TGFB1I1: variants seen among roughly 807,000 people sequenced by gnomAD.
TGFB1I1 encodes transforming growth factor beta 1 induced transcript 1.
TGFB1I1 carries 33 observed loss-of-function variants against 52.0 expected under a neutral mutation model. That is an observed-to-expected ratio of 0.63 (90% CI 0.48 to 0.85). The LOEUF is 0.85. Ranked by LOEUF, TGFB1I1 falls within the 40% of genes least tolerant of loss-of-function variation. The pLI is 0.00. For missense variants in TGFB1I1, 577 were observed against 614.9 expected (o/e 0.94, Z 0.65); for synonymous variants, 236 against 253.3 (o/e 0.93, Z 0.65).
chr16:31,474,215 C>A lies in TGFB1I1; in HGVS notation c.389C>A (p.Ser130Tyr). The A allele has an allele frequency of 6.2e-7, 1 of 1,614,124 alleles. No homozygotes were observed. Among genetic ancestry groups the A allele is most frequent in the Non-Finnish European group, 8.5e-7 (1 of 1,180,028 alleles). The change falls in exon 5 of 11, where the codon TCT (serine) becomes TAT (tyrosine). Residue 130 changes from serine to tyrosine, a missense_variant. By Grantham distance (144) the Ser-to-Tyr change is moderately radical. This residue lies in a region of TGFB1I1 where 456 missense variants were observed against 461.6 expected (regional missense o/e 0.99). Transcript: ENST00000394863. The surrounding 1 kb of genome is among the most constrained non-coding windows in gnomAD (Gnocchi z 4.2). ...TCAGGAGAGCAGAAGGAGGACCAGT[C>A]TGAAGATAAGAAAAGACCCAGCCTG... The part of the protein sequence containing the change: ...VASGEQKEDQ[S>Y]EDKKRPSLPS...
rs2142597924 is a variant in TGFB1I1, at chr16:31,476,379, C to A, written c.889-102C>A. ...CACGTTCCTAGTTAGATCTTCTCCC[C>A]CTCCCCCCACGCATGCCTTAGTCCA... On this transcript the variant is annotated intron_variant, in intron 8 of 10. Coordinates refer to ENST00000394863, the MANE Select transcript of TGFB1I1 (RefSeq NM_001042454.3). This position sits in a 1 kb window ranked among gnomAD's most constrained non-coding sequence, Gnocchi z 7.6. The A allele has an allele frequency of 7.7e-7, 1 of 1,296,144 alleles. No homozygotes were observed. The highest frequency in any genetic ancestry group is 1.1e-6 in the Non-Finnish European group (1 of 931,102). 80.3% of individuals were successfully genotyped at this position (1,296,144 alleles called of 1,614,324 possible). A position where few individuals can be genotyped will look rare whatever the true frequency, so the allele number is the denominator to read the frequency against.
chr16:31,476,527 G>A lies in TGFB1I1; in HGVS notation c.935G>A (p.Cys312Tyr). The A allele has an allele frequency of 3.1e-6, 5 of 1,613,608 alleles. No homozygotes were observed. The highest frequency in any genetic ancestry group is 4.2e-6 in the Non-Finnish European group (5 of 1,179,924). ...ACTCACTGGCACCCAGAGCATTTCT[G>A]CTGCGTCAGTTGCGGGGAGCCCTTC... The part of the protein sequence containing the change: ...LGTHWHPEHF[C>Y]CVSCGEPFGD... Residue 312 changes from cysteine to tyrosine, a missense_variant, in exon 9 of 11, where the codon TGC (cysteine) becomes TAC (tyrosine). This residue lies in a region of TGFB1I1 where 456 missense variants were observed against 461.6 expected (regional missense o/e 0.99). Transcript: ENST00000394863. The surrounding 1 kb of genome is among the most constrained non-coding windows in gnomAD (Gnocchi z 7.6).
Position 31,476,010 on chromosome 16 carries a change from A to G in TGFB1I1, c.715-2A>G. On this transcript the variant is annotated splice_acceptor_variant, in intron 7 of 10. Transcript: ENST00000394863. LOFTEE classifies it high-confidence loss of function. This position sits in a 1 kb window ranked among gnomAD's most constrained non-coding sequence, Gnocchi z 7.6. ...CTGACCCGCCTCACCTCCCACTCGC[A>G]GGTGGTGACGGCTCTGGGCCGCGCC... The G allele has an allele frequency of 6.2e-7, 1 of 1,610,562 alleles. No homozygotes were observed.
chr16:31,474,984 A>AG lies in TGFB1I1; in HGVS notation c.714+229dup, dbSNP rs1235584317. 3 of 559,688 alleles carry AG rather than the reference A, an allele frequency of 5.4e-6. No individual in the cohort carries two copies. Among genetic ancestry groups the AG allele is most frequent in the Non-Finnish European group, 9.5e-6 (3 of 314,554 alleles). The allele number at this position is 559,688 out of a possible 1,614,324, so 34.7% of individuals were successfully genotyped here. A position where few individuals can be genotyped will look rare whatever the true frequency, so the allele number is the denominator to read the frequency against. On this transcript the variant is annotated intron_variant, in intron 7 of 10. Coordinates refer to ENST00000394863, the MANE Select transcript of TGFB1I1 (RefSeq NM_001042454.3). This position sits in a 1 kb window ranked among gnomAD's most constrained non-coding sequence, Gnocchi z 4.2. Reference sequence around the variant, plus strand: ...ATTTATTGTGGTCCTACTGTGTGCCAGGCACTGTGCCAGCTCCTTTACAAA... The same window carrying AG: ...ATTTATTGTGGTCCTACTGTGTGCCAGGGCACTGTGCCAGCTCCTTTACAAA...
rs968320113 is a variant in TGFB1I1, at chr16:31,474,971, C to T, written c.714+214C>T. 8.6e-6 allele frequency: 5 copies of T among 583,732 alleles called. No homozygotes were observed. The highest frequency in any genetic ancestry group is 6.2e-5 in the Admixed American group (2 of 32,182). 36.2% of individuals were successfully genotyped at this position (583,732 alleles called of 1,614,324 possible). A position where few individuals can be genotyped will look rare whatever the true frequency, so the allele number is the denominator to read the frequency against. ...CAACCATGTTACCATTTATTGTGGT[C>T]CTACTGTGTGCCAGGCACTGTGCCA... On this transcript the variant is annotated intron_variant, in intron 7 of 10. Coordinates refer to ENST00000394863, the MANE Select transcript of TGFB1I1 (RefSeq NM_001042454.3). The surrounding 1 kb of genome is among the most constrained non-coding windows in gnomAD (Gnocchi z 4.2).
chr16:31,476,376 C>A lies in TGFB1I1; in HGVS notation c.889-105C>A. ...CCCCACGTTCCTAGTTAGATCTTCT[C>A]CCCCTCCCCCCACGCATGCCTTAGT... On this transcript the variant is annotated intron_variant, in intron 8 of 10. Coordinates refer to ENST00000394863, the MANE Select transcript of TGFB1I1 (RefSeq NM_001042454.3). The surrounding 1 kb of genome is among the most constrained non-coding windows in gnomAD (Gnocchi z 7.6). 7.8e-7 allele frequency: 1 copy of A among 1,281,666 alleles called. No individual in the cohort carries two copies. Among genetic ancestry groups the A allele is most frequent in the South Asian group, 1.4e-5 (1 of 73,192 alleles). The allele number at this position is 1,281,666 out of a possible 1,614,324, so 79.4% of individuals were successfully genotyped here.
intron 1 of TGFB1I1, chr16:31,472,411 G>A (rs1435327713): frequency 1.1e-6 from 1 of 945,698 alleles, no homozygotes; most frequent in East Asian, 3.4e-5. Flanking sequence ...TTCCCTCGCT[G>A]TGCTCCTCCA....
rs2142601090 is a variant in TGFB1I1, at chr16:31,477,383, A to C, written c.1193A>C (p.His398Pro). The part of the protein sequence containing the change: ...EGRPLCENHF[H>P]ARRGSLCATC... ...CGCCCGTTGTGCGAGAACCACTTCC[A>C]CGCACGACGCGGCTCGCTGTGCGCC... Residue 398 changes from histidine (H) to proline (P), a missense_variant, in exon 11 of 11, where the codon CAC (histidine) becomes CCC (proline). Physicochemically the swap from His to Pro is moderately conservative, Grantham distance 77. Around this residue, in one of 3 missense-constraint regions of TGFB1I1, gnomAD observed 456 missense variants for 461.6 expected, o/e 0.99. Transcript: ENST00000394863. The surrounding 1 kb of genome is among the most constrained non-coding windows in gnomAD (Gnocchi z 4.7). 6.2e-7 allele frequency: 1 copy of C among 1,611,612 alleles called. No individual in the cohort carries two copies. The highest frequency in any genetic ancestry group is 2.2e-5 in the East Asian group (1 of 44,834).
rs756105483 is a variant in TGFB1I1 at position 31,477,295 on chromosome 16, G to A, written c.1120-15G>A. 1.3e-6 allele frequency: 2 copies of A among 1,594,098 alleles called. No homozygotes were observed. The highest frequency in any genetic ancestry group is 2.2e-5 in the East Asian group (1 of 44,498). On this transcript the variant is annotated splice_polypyrimidine_tract_variant and intron_variant, in intron 10 of 10. Coordinates refer to ENST00000394863, the MANE Select transcript of TGFB1I1 (RefSeq NM_001042454.3). The surrounding 1 kb of genome is among the most constrained non-coding windows in gnomAD (Gnocchi z 4.7). ...GCTGACCTGTCTGTCCTCTTTCGCG[G>A]CTTCCCTTCCCCAGGAATGCTTCGC...
Position 31,477,024 on chromosome 16 carries a change from G to C in TGFB1I1, c.1119+14G>C. The C allele has an allele frequency of 6.4e-7, 1 of 1,565,832 alleles. No individual in the cohort carries two copies. Among genetic ancestry groups the C allele is most frequent in the South Asian group, 1.2e-5 (1 of 86,416 alleles). On this transcript the variant is annotated intron_variant, in intron 10 of 10. Coordinates refer to ENST00000394863, the MANE Select transcript of TGFB1I1 (RefSeq NM_001042454.3). The surrounding 1 kb of genome is among the most constrained non-coding windows in gnomAD (Gnocchi z 4.7). ...TTCGTCTGCAGGGTGCGAGCTGCGG[G>C]GCGGGGCGTTGGAGGGGCGGGTCAA...
At position 31,476,942 on chromosome 16, in the gene TGFB1I1, G is replaced by T; in HGVS notation, c.1051G>T (p.Gly351Cys). The part of the protein sequence containing the change: ...LFAPRCQGCQ[G>C]PILDNYISAL... ...CGCCCCGCGCTGCCAGGGCTGCCAG[G>T]GCCCCATCCTGGATAACTACATCTC... Residue 351 changes from glycine (G) to cysteine (C), a missense_variant, in exon 10 of 11, where the codon GGC (glycine) becomes TGC (cysteine). Around this residue, in one of 3 missense-constraint regions of TGFB1I1, gnomAD observed 456 missense variants for 461.6 expected, o/e 0.99. Transcript: ENST00000394863. The surrounding 1 kb of genome is among the most constrained non-coding windows in gnomAD (Gnocchi z 7.6). The T allele has an allele frequency of 6.2e-7, 1 of 1,605,256 alleles. No homozygotes were observed. Among genetic ancestry groups the T allele is most frequent in the Non-Finnish European group, 8.5e-7 (1 of 1,178,726 alleles).
At position 31,477,009 on chromosome 16, in the gene TGFB1I1, G is replaced by T; in HGVS notation, c.1118G>T (p.Arg373Met). ...TGGCACCCGGACTGTTTCGTCTGCA[G>T]GGTGCGAGCTGCGGGGCGGGGCGTT... ...ALWHPDCFVC[R>M]ECFAPFSGGS... The change falls in exon 10 of 11, where the codon AGG becomes ATG. Residue 373 changes from arginine to methionine, a missense_variant and splice_region_variant. Around this residue, in one of 3 missense-constraint regions of TGFB1I1, gnomAD observed 456 missense variants for 461.6 expected, o/e 0.99. Coordinates refer to ENST00000394863, the MANE Select transcript of TGFB1I1 (RefSeq NM_001042454.3). The surrounding 1 kb of genome is among the most constrained non-coding windows in gnomAD (Gnocchi z 4.7). 6.3e-7 allele frequency: 1 copy of T among 1,578,688 alleles called. No homozygotes were observed. Among genetic ancestry groups the T allele is most frequent in the African/African-American group, 1.3e-5 (1 of 74,512 alleles).
chr16:31,474,364 C>G lies in TGFB1I1; in HGVS notation c.428C>G (p.Ser143Cys), dbSNP rs2082409656. The G allele has an allele frequency of 3.1e-6, 5 of 1,614,202 alleles. No homozygotes were observed. Among genetic ancestry groups the G allele is most frequent in the Non-Finnish European group, 3.4e-6 (4 of 1,180,048 alleles). The change falls in exon 6 of 11, where the codon TCT (serine) becomes TGT (cysteine). Residue 143 changes from serine to cysteine, a missense_variant. By Grantham distance (112) the Ser-to-Cys change is moderately radical. Transcript: ENST00000394863. The surrounding 1 kb of genome is among the most constrained non-coding windows in gnomAD (Gnocchi z 4.2). ...GTTCTTCACAGCCCTTCCAGCCCGT[C>G]TCCTGGCCTCCCAAAGGCTTCTGCC... ...KKRPSLPSSP[S>C]PGLPKASATS... is the part of the protein sequence containing the mutation.
chr16:31,477,704 C>T lies in TGFB1I1; in HGVS notation c.*128C>T, dbSNP rs543128993. 1.7e-5 allele frequency: 22 copies of T among 1,271,580 alleles called. No homozygotes were observed. In the East Asian group the frequency reaches 4.6e-4, roughly 27 times the overall value. The allele number at this position is 1,271,580 out of a possible 1,614,324, so 78.8% of individuals were successfully genotyped here. A position where few individuals can be genotyped will look rare whatever the true frequency, so the allele number is the denominator to read the frequency against. On this transcript the variant is annotated 3_prime_UTR_variant, in exon 11 of 11. Transcript: ENST00000394863. The surrounding 1 kb of genome is among the most constrained non-coding windows in gnomAD (Gnocchi z 4.7). ...ACTGGAGAGCCCCGCCCCTAAGGTA[C>T]TATGAGTCCTCAGGGGTCAAGTTCA...
In TGFB1I1 at chr16:31,474,022, GA is replaced by G; in HGVS notation, c.325+46del. 1 of 1,566,978 alleles carries G rather than the reference GA, an allele frequency of 6.4e-7. No individual in the cohort carries two copies. The highest frequency in any genetic ancestry group is 8.8e-7 in the Non-Finnish European group (1 of 1,138,874). ...AGGCCTTGATGCGATAGGGGCAGGG[GA>G]GGGAAGGGTGGGGCAGAGACTAAGA... On this transcript the variant is annotated intron_variant, in intron 4 of 10. Transcript: ENST00000394863. This position sits in a 1 kb window ranked among gnomAD's most constrained non-coding sequence, Gnocchi z 4.2.
Position 31,474,881 on chromosome 16 carries a change from T to A in TGFB1I1, c.714+124T>A. ...GGGAAGTGGGTATCATTATTACTTA[T>A]GTTTTATGGATGAGGAAACTGAAGC... is the stretch of plus-strand genomic sequence containing the variant. On this transcript the variant is annotated intron_variant, in intron 7 of 10. Coordinates refer to ENST00000394863, the MANE Select transcript of TGFB1I1 (RefSeq NM_001042454.3). This position sits in a 1 kb window ranked among gnomAD's most constrained non-coding sequence, Gnocchi z 4.2. The A allele has an allele frequency of 1.1e-6, 1 of 932,394 alleles. No homozygotes were observed. Among genetic ancestry groups the A allele is most frequent in the African/African-American group, 1.7e-5 (1 of 60,380 alleles). The allele number at this position is 932,394 out of a possible 1,614,324, so 57.8% of individuals were successfully genotyped here. A position where few individuals can be genotyped will look rare whatever the true frequency, so the allele number is the denominator to read the frequency against.
In TGFB1I1 at chr16:31,476,298, C is replaced by G; in HGVS notation, c.888+113C>G. 1 of 1,448,176 alleles carries G rather than the reference C, an allele frequency of 6.9e-7. No homozygotes were observed. Among genetic ancestry groups the G allele is most frequent in the South Asian group, 1.3e-5 (1 of 77,510 alleles). The allele number at this position is 1,448,176 out of a possible 1,614,324, so 89.7% of individuals were successfully genotyped here. Reference sequence around the variant, plus strand: ...CGCGATACCCCACTCCACCCCTACCCCTTCCCCTTGGCAATGTCCACGGCC... The same window carrying G: ...CGCGATACCCCACTCCACCCCTACCGCTTCCCCTTGGCAATGTCCACGGCC... On this transcript the variant is annotated intron_variant, in intron 8 of 10. Transcript: ENST00000394863. The surrounding 1 kb of genome is among the most constrained non-coding windows in gnomAD (Gnocchi z 7.6).
At position 31,477,829 on chromosome 16, in the gene TGFB1I1, G is replaced by GAGCC; in HGVS notation, c.*254_*257dup. 1.9e-6 allele frequency: 1 copy of GAGCC among 524,942 alleles called. No homozygotes were observed. Among genetic ancestry groups the GAGCC allele is most frequent in the Non-Finnish European group, 3.3e-6 (1 of 304,078 alleles). 32.5% of individuals were successfully genotyped at this position (524,942 alleles called of 1,614,324 possible). ...CTCCACTCTATTCCCACCCTTGAGG[G>GAGCC]AGCCCCCTTACTGGGGGAGGGTCCT... On this transcript the variant is annotated 3_prime_UTR_variant, in exon 11 of 11. Transcript: ENST00000394863. The surrounding 1 kb of genome is among the most constrained non-coding windows in gnomAD (Gnocchi z 4.7).
At chr16:31,472,238 A>G in intron 1 of TGFB1I1, 37 bp downstream of exon 1, 1 of 1,461,232 alleles carries the variant, frequency 6.8e-7, no homozygotes, top group Non-Finnish European at 9.0e-7. Context: ...GTGGCCCCTC[A>G]CCGCTGCCCA....
Sources: gnomAD v4.1 joint callset for allele counts on GRCh38, gnomAD v4.1.1 for gene constraint, gnomAD v4.1.1 regional missense constraint, Gnocchi (gnomAD v3.1) non-coding constraint, MANE v1.5 for transcripts, NCBI Gene and HGNC (gene_info 2026-07-23, HGNC 2026-07-21) for gene names.